Variants in TPH1 observed in about 807,000 individuals in gnomAD.
TPH1 encodes the protein tryptophan hydroxylase 1, also known as tryptophan 5-hydroxylase 1.
A neutral mutation model predicts 49.5 loss-of-function variants in TPH1; 37 were observed. The ratio of observed to expected loss-of-function variants is 0.75; its 90% CI spans 0.58 to 0.98. The LOEUF is 0.98. Among genes scored for constraint, TPH1 ranks in the 50% least tolerant of loss-of-function variants. TPH1 has a pLI of 0.00. For missense variants in TPH1, 487 were observed against 523.6 expected (o/e 0.93, Z 0.68); for synonymous variants, 160 against 182.1 (o/e 0.88, Z 0.98).
intron 1 of TPH1, 92 bp from the exon 2 acceptor site, chr11:18,040,880 C>G: frequency 8.2e-7 from 1 of 1,213,578 alleles, no homozygotes; most frequent in Admixed American, 2.2e-5. Flanking sequence ...CTTCTAGGAG[C>G]TTCAGTTTCT....
Position 18,020,655 on chromosome 11 carries a change from T to G in TPH1, c.*336A>C. ...AAAGGGTCATTTTACTCAAGGAGGA[T>G]TGGGGAAAATAGAGTTAGGCTGAGA... On this transcript the variant is annotated 3_prime_UTR_variant, in exon 11 of 11. Coordinates refer to ENST00000682019, the MANE Select transcript of TPH1 (RefSeq NM_004179.3). The G allele has an allele frequency of 3.6e-6, 1 of 274,852 alleles. No individual in the cohort carries two copies. Among genetic ancestry groups the G allele is most frequent in the African/African-American group, 2.2e-5 (1 of 45,400 alleles). The allele number at this position is 274,852 out of a possible 1,614,324, so 17.0% of individuals were successfully genotyped here.
At chr11:18,042,339 GA>G (rs1347882158) in intron 1 of TPH1, 1 of 453,248 alleles carries the variant, frequency 2.2e-6, no homozygotes, top group Non-Finnish European at 4.4e-6. Flanking sequence ...TTAGGGATGT[GA>G]AAACTTTCAG....
intron 1 of TPH1, among the ~76,000 whole-genome samples, chr11:18,045,477 C>CT (rs1487057342): frequency 6.6e-6 from 1 of 150,940 alleles, no homozygotes; most frequent in African/African-American, 2.5e-5. Context: ...GAATTCCACC[C>CT]CCCCCTTTTT....
intron 2 of TPH1, among the ~76,000 whole-genome samples, chr11:18,037,698 GA>G (rs1466167221): frequency 1.3e-5 from 2 of 152,334 alleles, no homozygotes; most frequent in African/African-American, 4.8e-5. Context: ...GGAATTTGGT[GA>G]GGAAATGTAA....
chr11:18,029,606 T>C, intron 4 of TPH1, 27 bp from the exon 5 acceptor site: 1 of 1,563,432 alleles, frequency 6.4e-7, no homozygotes, highest in Non-Finnish European at 8.8e-7. Flanking sequence ...TGTTTTTAAA[T>C]ATCCATACTA....
intron 1 of TPH1, chr11:18,041,164 A>T (rs1447605266): frequency 5.6e-6 from 1 of 178,138 alleles, no homozygotes; most frequent in Admixed American, 5.9e-5. Context: ...CCAGGTCTCA[A>T]ATGGTTTCCC....
intron 7 of TPH1, 98 bp downstream of exon 7, chr11:18,026,392 C>CG: frequency 2.2e-6 from 2 of 914,910 alleles, no homozygotes; most frequent in East Asian, 5.2e-5. Context: ...TCCTCGCACA[C>CG]CAAAAAAAAA....
intron 6 of TPH1, 75 bp downstream of exon 6, chr11:18,029,081 CAAAAAAAAA>C (rs368358256): frequency 3.7e-6 from 2 of 540,824 alleles, no homozygotes; most frequent in Non-Finnish European, 6.0e-6. Flanking sequence ...GACTCTGTCT[CAAAAAAAAA>C]AAAAAAAAAA....
chr11:18,036,276 G>T, intron 2 of TPH1, 134 bp from the exon 3 acceptor site: 1 of 687,800 alleles, frequency 1.5e-6, no homozygotes, highest in Non-Finnish European at 2.5e-6. Flanking sequence ...ACTGTTTTTA[G>T]TGCTGCCAAC....
intron 1 of TPH1, chr11:18,042,297 G>A (rs1188735681): frequency 4.5e-6 from 2 of 440,842 alleles, no homozygotes; most frequent in Admixed American, 2.5e-5. Context: ...AAAATTCAGG[G>A]ATGGCCTCAG....
At chr11:18,025,507 CT>C in intron 8 of TPH1, 67 bp downstream of exon 8, 1 of 1,603,844 alleles carries the variant, frequency 6.2e-7, no homozygotes, top group South Asian at 1.1e-5. Flanking sequence ...TGAATATGTA[CT>C]TTTAAACTAC....
At chr11:18,033,842 C>A (rs1848017243) in intron 3 of TPH1, among the ~76,000 whole-genome samples, 2 of 152,168 alleles carry the variant, frequency 1.3e-5, no homozygotes, top group Admixed American at 6.5e-5. Flanking sequence ...CCTCATAAGA[C>A]TATGGGGTTT....
chr11:18,042,243 C>A (rs1848104403), intron 1 of TPH1: 1 of 393,414 alleles, frequency 2.5e-6, no homozygotes, highest in South Asian at 1.9e-5. Context: ...TTAAGGTAAA[C>A]TTAAGTATAC....
In TPH1 at chr11:18,033,473, G is replaced by A. The variant is rs1848012979; in HGVS notation, c.302-99C>T. ...AAGATAAAATTAAATTCAGTTGGATGAGAGTTTTAATTTTAGCTTGTACAT... is the reference window on the plus strand; with the variant it reads ...AAGATAAAATTAAATTCAGTTGGATAAGAGTTTTAATTTTAGCTTGTACAT... On this transcript the variant is annotated intron_variant, in intron 3 of 10. Coordinates refer to ENST00000682019, the MANE Select transcript of TPH1 (RefSeq NM_004179.3). 8 of 980,454 alleles carry A rather than the reference G, an allele frequency of 8.2e-6. No homozygotes were observed. In the South Asian group the frequency reaches 1.0e-4, roughly 13 times the overall value. 60.7% of individuals were successfully genotyped at this position (980,454 alleles called of 1,614,324 possible).
chr11:18,037,392 A>G (rs1329301062), intron 2 of TPH1, among the ~76,000 whole-genome samples: 1 of 151,826 alleles, frequency 6.6e-6, no homozygotes, highest in East Asian at 1.9e-4. Flanking sequence ...AGGGAACATG[A>G]GCTAACAAGA....
In TPH1 at chr11:18,020,790, TAAAAC is replaced by T. The variant is rs2134023965; in HGVS notation, c.*196_*200del. ...AGCTGCTACCAAAAAAAAAAAGAAA[TAAAAC>T]TAAACAAAAAAATAAGTGGTAAATA... On this transcript the variant is annotated 3_prime_UTR_variant, in exon 11 of 11. Coordinates refer to ENST00000682019, the MANE Select transcript of TPH1 (RefSeq NM_004179.3). 4 of 547,284 alleles carry T rather than the reference TAAAAC, an allele frequency of 7.3e-6. No individual in the cohort carries two copies. The highest frequency in any genetic ancestry group is 3.2e-5 in the East Asian group (1 of 31,582). The allele number at this position is 547,284 out of a possible 1,614,324, so 33.9% of individuals were successfully genotyped here.
chr11:18,040,586 A>T, intron 2 of TPH1, 60 bp downstream of exon 2: 1 of 1,515,552 alleles, frequency 6.6e-7, no homozygotes. Context: ...TATATTTTAA[A>T]TATAGTTTTA....
chr11:18,023,006 C>T (rs1854380985), intron 9 of TPH1, 75 bp from the exon 10 acceptor site: 9 of 1,487,988 alleles, frequency 6.0e-6, no homozygotes, highest in Non-Finnish European at 8.4e-6. Context: ...ATAATTGGCT[C>T]ACCTCTAAAC....
At chr11:18,043,434 G>A (rs745977537) in intron 1 of TPH1, among the ~76,000 whole-genome samples, 10 of 152,022 alleles carry the variant, frequency 6.6e-5, no homozygotes, top group East Asian at 5.8e-4. Context: ...GTGAAACCCC[G>A]TCTCTACTAA....
Sources: gnomAD v4.1 joint callset for allele counts (sites outside exome capture counted in the v4.1 genomes callset) on GRCh38, gnomAD v4.1.1 for gene constraint, MANE v1.5 for transcripts, NCBI Gene and HGNC (gene_info 2026-07-23, HGNC 2026-07-21) for gene names.